Variants in EML1 observed in about 807,000 individuals in gnomAD.
EML1 encodes the protein EMAP like 1.
Under a neutral mutation model 110.4 loss-of-function variants are expected in EML1, and 27 were observed. The observed-to-expected ratio is 0.24, with a 90% CI of 0.18 to 0.34. EML1 has a LOEUF of 0.34. Among genes scored for constraint, EML1 ranks in the 10% least tolerant of loss-of-function variants. The pLI is 1.00. For missense variants in EML1, 741 were observed against 1,030.9 expected (o/e 0.72, Z 3.85); for synonymous variants, 344 against 385.8 (o/e 0.89, Z 1.27).
At chr14:99,813,396 A>G (rs568313282) in intron 1 of EML1, among the ~76,000 whole-genome samples, 1 of 152,320 alleles carries the variant, frequency 6.6e-6, no homozygotes, top group East Asian at 1.9e-4. Flanking sequence ...AAGACTGACA[A>G]AAATAACTAT....
intron 4 of EML1, among the ~76,000 whole-genome samples, chr14:99,890,650 G>C (rs2059570670): frequency 6.6e-6 from 1 of 152,180 alleles, no homozygotes. Flanking sequence ...AAGTCAGCAG[G>C]GGTGTCCCTA....
chr14:99,841,573 G>C (rs1430087633), intron 1 of EML1, among the ~76,000 whole-genome samples: 1 of 152,136 alleles, frequency 6.6e-6, no homozygotes, highest in African/African-American at 2.4e-5. Context: ...GGGCAGTATA[G>C]GTAACCCTTA....
At chr14:99,785,112 T>G (rs1171454665) in intron 1 of EML1, among the ~76,000 whole-genome samples, 1 of 152,072 alleles carries the variant, frequency 6.6e-6, no homozygotes, top group Non-Finnish European at 1.5e-5. Flanking sequence ...TGGAGTGCAA[T>G]GGCATGATCT....
Position 99,900,950 on chromosome 14 carries a change from A to C in EML1, c.919A>C (p.Ile307Leu). The C allele has an allele frequency of 6.2e-7, 1 of 1,614,176 alleles. No homozygotes were observed. The highest frequency in any genetic ancestry group is 8.5e-7 in the Non-Finnish European group (1 of 1,180,024). The change falls in exon 9 of 22, where the codon ATC (isoleucine) becomes CTC (leucine). Residue 307 changes from isoleucine (I) to leucine (L), a missense_variant. Around this residue, in one of 4 missense-constraint regions of EML1, gnomAD observed 388 missense variants for 605.6 expected, o/e 0.64. Coordinates refer to ENST00000262233, the MANE Select transcript of EML1 (RefSeq NM_004434.3). ...DGKQLPPHVRIWDSVTLNTLH... is the reference protein window; with the variant it reads ...DGKQLPPHVRLWDSVTLNTLH... Reference sequence around the variant, plus strand: ...ACAGCAATTGCCCCCACATGTGCGCATCTGGGATTCTGTGACATTGAATAC... The same window carrying C: ...ACAGCAATTGCCCCCACATGTGCGCCTCTGGGATTCTGTGACATTGAATAC...
At chr14:99,738,165 G>A (rs993383502) in intron 1 of EML1, among the ~76,000 whole-genome samples, 1 of 152,212 alleles carries the variant, frequency 6.6e-6, no homozygotes, top group East Asian at 1.9e-4. Flanking sequence ...GGGCTGCGAC[G>A]GGACCCATGG....
rs762865097 is a variant in EML1, at chr14:99,914,324, G to C, written c.1620+20G>C. ...ACTCAGGTACGATCCCACTCAGCAG[G>C]CCCGGCAAACACTCTCATTTTGCAT... On this transcript the variant is annotated intron_variant, in intron 14 of 21. Transcript: ENST00000262233. The C allele has an allele frequency of 1.3e-6, 2 of 1,598,554 alleles. No individual in the cohort carries two copies. The highest frequency in any genetic ancestry group is 1.7e-6 in the Non-Finnish European group (2 of 1,168,098).
chr14:99,838,265 G>T (rs1240807059), intron 1 of EML1, among the ~76,000 whole-genome samples: 1 of 151,950 alleles, frequency 6.6e-6, no homozygotes, highest in East Asian at 1.9e-4. Context: ...ACTAATAGAA[G>T]TTAGTAGAAA....
intron 1 of EML1, among the ~76,000 whole-genome samples, chr14:99,739,119 A>AGTGTGTGTGTGTGT (rs71113220): frequency 2.2e-5 from 3 of 134,910 alleles, no homozygotes; most frequent in African/African-American, 8.9e-5. Flanking sequence ...AGAGAGAGAG[A>AGTGTGTGTGTGTGT]GTGTGTGTGT....
At chr14:99,831,335 AAG>A (rs1021801000) in intron 1 of EML1, among the ~76,000 whole-genome samples, 7 of 152,134 alleles carry the variant, frequency 4.6e-5, no homozygotes, top group Admixed American at 4.6e-4. Context: ...CTATAATGAA[AAG>A]AGAGCCAGGG....
rs60191971 is a variant in EML1 at position 99,800,518 on chromosome 14, C to A, written c.67+6975C>A. 5.0e-3 allele frequency among the ~76,000 whole-genome samples: 757 copies of A among 152,216 alleles called. 5 individuals are homozygous for A. The highest frequency in any genetic ancestry group is 0.017 in the African/African-American group (721 of 41,522). On this transcript the variant is annotated intron_variant, in intron 1 of 21. Transcript: ENST00000262233. Reference sequence around the variant, plus strand: ...CTGGGACTATAGGCATGCGCCACCACACCTGGCTAAATTTTAAAAAAATTT... The same window carrying A: ...CTGGGACTATAGGCATGCGCCACCAAACCTGGCTAAATTTTAAAAAAATTT...
At chr14:99,911,287 C>T in intron 12 of EML1, 135 bp from the exon 13 acceptor site, 1 of 1,039,528 alleles carries the variant, frequency 9.6e-7, no homozygotes, top group Non-Finnish European at 1.3e-6. Context: ...GAAATTGGAT[C>T]CTTCATAGAT....
At chr14:99,741,457 G>A (rs927879925) in intron 1 of EML1, among the ~76,000 whole-genome samples, 4 of 151,866 alleles carry the variant, frequency 2.6e-5, no homozygotes, top group Admixed American at 2.0e-4. Context: ...CAGATCCCTG[G>A]TGTCCCCAAA....
At chr14:99,790,552 G>T (rs559945270), upstream of EML1, among the ~76,000 whole-genome samples, 2 of 152,144 alleles carry the variant, frequency 1.3e-5, no homozygotes, top group Admixed American at 6.5e-5. Context: ...TCCTTTTCAA[G>T]TTCAGAAATA....
chr14:99,751,402 GTCAA>G (rs1214095546), intron 1 of EML1, among the ~76,000 whole-genome samples: 1 of 152,198 alleles, frequency 6.6e-6, no homozygotes. Flanking sequence ...CTGCTGAATG[GTCAA>G]TCAGCCATTC....
At chr14:99,932,947 T>G (rs2060399371) in intron 17 of EML1, among the ~76,000 whole-genome samples, 1 of 151,824 alleles carries the variant, frequency 6.6e-6, no homozygotes, top group Non-Finnish European at 1.5e-5. Flanking sequence ...GAGACCCCCG[T>G]CTCAACAAAA....
intron 1 of EML1, among the ~76,000 whole-genome samples, chr14:99,753,167 C>T (rs1380508307): frequency 7.9e-6 from 1 of 127,378 alleles, no homozygotes; most frequent in East Asian, 2.5e-4. Flanking sequence ...GAAGCAGCCG[C>T]AGCCCCCACC....
intron 1 of EML1, among the ~76,000 whole-genome samples, chr14:99,800,324 C>T (rs1407200375): frequency 6.6e-6 from 1 of 151,246 alleles, no homozygotes; most frequent in African/African-American, 2.4e-5. Context: ...AAGAGTTTTT[C>T]TTTCTTTAAA....
chr14:99,934,277 C>T (rs966506067), intron 17 of EML1, among the ~76,000 whole-genome samples: 3 of 152,244 alleles, frequency 2.0e-5, no homozygotes, highest in African/African-American at 7.2e-5. Flanking sequence ...CAAGCCTCAT[C>T]AGCAGCCGAT....
intron 1 of EML1, among the ~76,000 whole-genome samples, chr14:99,785,275 G>A (rs1381295065): frequency 2.6e-5 from 4 of 152,066 alleles, no homozygotes; most frequent in East Asian, 1.9e-4. Context: ...GGCTGGTCTC[G>A]AACTCCTGAC....
Sources: gnomAD v4.1 joint callset for allele counts (sites outside exome capture counted in the v4.1 genomes callset) on GRCh38, gnomAD v4.1.1 for gene constraint, gnomAD v4.1.1 regional missense constraint, MANE v1.5 for transcripts, NCBI Gene and HGNC (gene_info 2026-07-23, HGNC 2026-07-21) for gene names.